The following PACS1 variants were observed in gnomAD, a reference collection of about 807,000 sequenced individuals.
The protein encoded by PACS1 is PACS-1.
PACS1 carries 24 observed loss-of-function variants against 115.0 expected under a neutral mutation model. The ratio of observed to expected loss-of-function variants is 0.21; its 90% CI spans 0.15 to 0.29. PACS1 has a LOEUF of 0.29. Among genes scored for constraint, PACS1 ranks in the 10% least tolerant of loss-of-function variants. PACS1 has a pLI of 1.00. For synonymous variants in PACS1, 453 were observed against 504.5 expected, an observed-to-expected ratio of 0.90 and a Z score of 1.37; for missense variants, 838 against 1,251.2, an observed-to-expected ratio of 0.67 and a Z score of 4.98.
chr11:66,173,339 A>C (rs1199822004), intron 1 of PACS1, among the ~76,000 whole-genome samples: 2 of 152,060 alleles, frequency 1.3e-5, no homozygotes, highest in African/African-American at 4.8e-5. Context: ...GACATTTTTT[A>C]TTTTCTTCTG....
chr11:66,234,020 T>C, intron 16 of PACS1, 81 bp downstream of exon 16: 2 of 1,572,546 alleles, frequency 1.3e-6, no homozygotes, highest in South Asian at 1.2e-5. Context: ...GACGGTGGGG[T>C]TGGGGCCTAG....
intron 9 of PACS1, 64 bp downstream of exon 9, chr11:66,220,855 C>T: frequency 2.6e-6 from 4 of 1,515,834 alleles, no homozygotes; most frequent in Admixed American, 1.9e-5. Flanking sequence ...GTCTCCTGAC[C>T]CCTCCCTCGC....
chr11:66,166,049 G>A (rs1327342419), intron 1 of PACS1, among the ~76,000 whole-genome samples: 1 of 152,116 alleles, frequency 6.6e-6, no homozygotes, highest in Non-Finnish European at 1.5e-5. Context: ...TCACCCCTTT[G>A]TTTATAATTC....
rs187889167 is a variant in PACS1, at chr11:66,170,307, C to T, written c.357-23179C>T. ...TTGGCTGTCCCTTTATTTTTTACTTCTTAATGGCTGCTTAATTCATTAATT... is the reference window on the plus strand; with the variant it reads ...TTGGCTGTCCCTTTATTTTTTACTTTTTAATGGCTGCTTAATTCATTAATT... On this transcript the variant is annotated intron_variant, in intron 1 of 23. Transcript: ENST00000320580. Among the ~76,000 whole-genome samples, 177 of 150,412 alleles carry T rather than the reference C, an allele frequency of 1.2e-3. 2 individuals carry two copies. The highest frequency in any genetic ancestry group is 0.01 in the East Asian group (54 of 5,178).
At chr11:66,159,065 A>T (rs1055965701) in intron 1 of PACS1, among the ~76,000 whole-genome samples, 1 of 152,246 alleles carries the variant, frequency 6.6e-6, no homozygotes, top group Non-Finnish European at 1.5e-5. Flanking sequence ...TGCCATCTAA[A>T]GCCTGATGGA....
chr11:66,097,411 A>G lies in PACS1; in HGVS notation c.356+26569A>G, dbSNP rs150891503. ...TGGCAGGGAGCTCAGGGCAGCTTCAAACCCACAGCCAGCAAGAGACTGTGG... is the reference window on the plus strand; with the variant it reads ...TGGCAGGGAGCTCAGGGCAGCTTCAGACCCACAGCCAGCAAGAGACTGTGG... On this transcript the variant is annotated intron_variant, in intron 1 of 23. Coordinates refer to ENST00000320580, the MANE Select transcript of PACS1 (RefSeq NM_018026.4). Among the ~76,000 whole-genome samples the G allele has an allele frequency of 3.3e-4, 51 of 152,280 alleles. 1 individual carries two copies. Among genetic ancestry groups the G allele is most frequent in the African/African-American group, 1.2e-3 (48 of 41,570 alleles).
chr11:66,225,508 A>T (rs561053110), intron 10 of PACS1, among the ~76,000 whole-genome samples: 2 of 152,370 alleles, frequency 1.3e-5, no homozygotes, highest in South Asian at 4.1e-4. Context: ...CAAGTTAAAG[A>T]TATTATCAGG....
Position 66,232,153 on chromosome 11 carries a change from C to CT in PACS1, c.1627-16dup, listed in dbSNP as rs1358949910. The CT allele has an allele frequency of 1.9e-6, 3 of 1,558,070 alleles. No individual in the cohort carries two copies. The African/African-American group carries it at 4.1e-5, about 21-fold the overall frequency. On this transcript the variant is annotated intron_variant, in intron 13 of 23. Transcript: ENST00000320580. The stretch of plus-strand genomic sequence containing the variant: ...CCCAGGGACTCCCTAACAAGAGACA[C>CT]TTTCTTTTGTTCCTGCAGATTCCAA...
chr11:66,113,458 TA>T (rs1858231131), intron 1 of PACS1, among the ~76,000 whole-genome samples: 1 of 152,178 alleles, frequency 6.6e-6, no homozygotes, highest in Non-Finnish European at 1.5e-5. Context: ...GGAACTTACT[TA>T]CCATCAAGGC....
At chr11:66,127,905 T>G (rs1432113965) in intron 1 of PACS1, among the ~76,000 whole-genome samples, 1 of 152,256 alleles carries the variant, frequency 6.6e-6, no homozygotes, top group Non-Finnish European at 1.5e-5. Flanking sequence ...GCAGCCTTGC[T>G]GCTAAAGTAG....
At chr11:66,238,666 C>T (rs1235178887) in intron 19 of PACS1, 138 bp from the exon 20 acceptor site, 6 of 827,156 alleles carry the variant, frequency 7.3e-6, no homozygotes, top group Non-Finnish European at 2.0e-6. Flanking sequence ...ACGCCCAGCC[C>T]AGATTTGCAA....
Position 66,076,377 on chromosome 11 carries a change from C to T in PACS1, c.356+5535C>T, listed in dbSNP as rs149514278. On this transcript the variant is annotated intron_variant, in intron 1 of 23. Transcript: ENST00000320580. ...GCTGCGTCTTTTCACTACCTCAGTT[C>T]AGGAGGCTTGTCCAGTTTGGACTTG... is the stretch of plus-strand genomic sequence containing the variant. Among the ~76,000 whole-genome samples, 18 of 151,962 alleles carry T rather than the reference C, an allele frequency of 1.2e-4. No homozygotes were observed. The East Asian group carries it at 3.1e-3, about 26-fold the overall frequency.
chr11:66,081,218 T>A (rs1857470982), intron 1 of PACS1, among the ~76,000 whole-genome samples: 1 of 151,322 alleles, frequency 6.6e-6, no homozygotes, highest in Non-Finnish European at 1.5e-5. Context: ...GAGCGACAGA[T>A]CAAGACCCTG....
At chr11:66,105,056 A>G (rs1430261987) in intron 1 of PACS1, among the ~76,000 whole-genome samples, 1 of 152,200 alleles carries the variant, frequency 6.6e-6, no homozygotes, top group Middle Eastern at 3.2e-3. Context: ...TACTATGTAA[A>G]TCTGTTATAA....
At chr11:66,208,600 A>C (rs1315186569) in intron 2 of PACS1, among the ~76,000 whole-genome samples, 1 of 150,934 alleles carries the variant, frequency 6.6e-6, no homozygotes, top group African/African-American at 2.4e-5. Flanking sequence ...AGATCGTTTG[A>C]GCTCAGAAGT....
intron 1 of PACS1, among the ~76,000 whole-genome samples, chr11:66,096,670 ATTT>A (rs959228896): frequency 6.7e-6 from 1 of 149,824 alleles, no homozygotes; most frequent in Non-Finnish European, 1.5e-5. Flanking sequence ...TGCCTGGCTA[ATTT>A]TTTTTATTTT....
chr11:66,092,924 T>C (rs1353353515), intron 1 of PACS1, among the ~76,000 whole-genome samples: 1 of 152,228 alleles, frequency 6.6e-6, no homozygotes. Flanking sequence ...TGTAGCCTTA[T>C]AGTATAGTTT....
chr11:66,178,228 C>T (rs1309460160), intron 1 of PACS1, among the ~76,000 whole-genome samples: 1 of 150,094 alleles, frequency 6.7e-6, no homozygotes, highest in Non-Finnish European at 1.5e-5. Flanking sequence ...ATTCCTTTCC[C>T]TTCTTCTCAG....
At chr11:66,159,824 A>G (rs1859446762) in intron 1 of PACS1, among the ~76,000 whole-genome samples, 1 of 152,222 alleles carries the variant, frequency 6.6e-6, no homozygotes, top group Non-Finnish European at 1.5e-5. Flanking sequence ...AAGATCTGGC[A>G]ACATGCCCAG....
Sources: allele counts gnomAD v4.1 joint callset (sites outside exome capture counted in the v4.1 genomes callset), GRCh38; gene constraint gnomAD v4.1.1; transcripts MANE v1.5; gene names NCBI Gene and HGNC (gene_info 2026-07-23, HGNC 2026-07-21).